The following ZC2HC1B variants were observed in gnomAD, a reference collection of about 807,000 sequenced individuals.
ZC2HC1B encodes the protein zinc finger C2HC-type containing 1B.
ZC2HC1B carries 36 observed loss-of-function variants against 31.0 expected under a neutral mutation model. That is an observed-to-expected ratio of 1.16 (90% CI 0.89 to 1.54). The LOEUF (loss-of-function observed/expected upper bound fraction) is 1.54. Ranked by LOEUF, ZC2HC1B falls within the 40% of genes most tolerant of loss-of-function variation. The pLI, the probability that ZC2HC1B is intolerant of heterozygous loss-of-function variation, is 0.00. For missense variants in ZC2HC1B, 260 were observed against 268.6 expected (o/e 0.97, Z 0.22); for synonymous variants, 73 against 88.0 (o/e 0.83, Z 0.95).
rs2128497110 is a variant in ZC2HC1B, at chr6:143,923,591, T to C, written c.599-14058T>C. Among the ~76,000 whole-genome samples the C allele has an allele frequency of 6.6e-6, 1 of 152,280 alleles. No homozygotes were observed. The highest frequency in any genetic ancestry group is 1.5e-5 in the Non-Finnish European group (1 of 67,998). ...TAGTTTCATAGTTTTGGGTCTTATG[T>C]TTAAGTCTTTCATCAATTTTGGGTT... On this transcript the variant is annotated intron_variant, in intron 6 of 7. Transcript: ENST00000237275. This position sits in a 1 kb window ranked among gnomAD's most constrained non-coding sequence, Gnocchi z 4.8.
At chr6:143,904,239 T>C (rs933684764) in intron 6 of ZC2HC1B, among the ~76,000 whole-genome samples, 1 of 152,252 alleles carries the variant, frequency 6.6e-6, no homozygotes, top group African/African-American at 2.4e-5. Flanking sequence ...TTGTTTTTGT[T>C]GTTGACTTTT....
chr6:143,886,293 A>G lies in ZC2HC1B; in HGVS notation c.210+142A>G, dbSNP rs745508692. The stretch of plus-strand genomic sequence containing the variant: ...ATCCACCTTTACTTTTTTCTTTATA[A>G]TCTTGCTCACTTAGATTTCCAGATA... On this transcript the variant is annotated intron_variant, in intron 3 of 7. Coordinates refer to ENST00000237275, the MANE Select transcript of ZC2HC1B (RefSeq NM_001013623.3). The surrounding 1 kb of genome is among the most constrained non-coding windows in gnomAD (Gnocchi z 4.2). The G allele has an allele frequency of 2.6e-5, 26 of 1,016,614 alleles. No individual in the cohort carries two copies. In the South Asian group the frequency reaches 8.8e-4, roughly 34 times the overall value. The allele number at this position is 1,016,614 out of a possible 1,614,324, so 63.0% of individuals were successfully genotyped here.
In ZC2HC1B at chr6:143,921,542, A is replaced by G. The variant is rs1044756890; in HGVS notation, c.599-16107A>G. Among the ~76,000 whole-genome samples the G allele has an allele frequency of 6.6e-6, 1 of 152,240 alleles. No individual in the cohort carries two copies. Among genetic ancestry groups the G allele is most frequent in the East Asian group, 1.9e-4 (1 of 5,192 alleles). ...ATTATTATCATAGAATAGAATTATC[A>G]TGTTAATTAGCTTTAAGAGATAGCT... On this transcript the variant is annotated intron_variant, in intron 6 of 7. Coordinates refer to ENST00000237275, the MANE Select transcript of ZC2HC1B (RefSeq NM_001013623.3). The surrounding 1 kb of genome is among the most constrained non-coding windows in gnomAD (Gnocchi z 6.1).
At chr6:143,897,553 C>T (rs775566995) in intron 4 of ZC2HC1B, among the ~76,000 whole-genome samples, 1 of 151,794 alleles carries the variant, frequency 6.6e-6, no homozygotes, top group Non-Finnish European at 1.5e-5. Context: ...GCTGCCTGGG[C>T]CATTGCATCT....
intron 4 of ZC2HC1B, among the ~76,000 whole-genome samples, chr6:143,890,714 A>T (rs1352583910): frequency 6.6e-6 from 1 of 152,264 alleles, no homozygotes; most frequent in South Asian, 2.1e-4. Flanking sequence ...ATGAGTAAAT[A>T]TAGAAAATTC....
intron 4 of ZC2HC1B, among the ~76,000 whole-genome samples, chr6:143,889,896 G>A (rs1777576876): frequency 6.6e-6 from 1 of 152,114 alleles, no homozygotes; most frequent in Non-Finnish European, 1.5e-5. Context: ...AGTCACCTAA[G>A]AGAGACCATT....
chr6:143,917,543 ATG>A lies in ZC2HC1B; in HGVS notation c.598+14393_598+14394del. ...ACATACAATAACTGCTCCTTCAGCA[ATG>A]TCTTTTCCACCCATTTTGTTATTGA... On this transcript the variant is annotated intron_variant, in intron 6 of 7. Coordinates refer to ENST00000237275, the MANE Select transcript of ZC2HC1B (RefSeq NM_001013623.3). This position sits in a 1 kb window ranked among gnomAD's most constrained non-coding sequence, Gnocchi z 4.1. Among the ~76,000 whole-genome samples the A allele has an allele frequency of 6.6e-6, 1 of 152,308 alleles. No individual in the cohort carries two copies. Among genetic ancestry groups the A allele is most frequent in the South Asian group, 2.1e-4 (1 of 4,828 alleles).
At chr6:143,890,753 T>C (rs1777591045) in intron 4 of ZC2HC1B, among the ~76,000 whole-genome samples, 1 of 152,192 alleles carries the variant, frequency 6.6e-6, no homozygotes. Context: ...CTACTGGAAT[T>C]AAAGTGAATT....
chr6:143,929,063 C>T (rs993444237), intron 6 of ZC2HC1B, among the ~76,000 whole-genome samples: 3 of 152,006 alleles, frequency 2.0e-5, no homozygotes, highest in Non-Finnish European at 2.9e-5. Context: ...CCTCTTTTCC[C>T]ATTTTGATGG....
chr6:143,920,562 T>G (rs1045385229), intron 6 of ZC2HC1B, among the ~76,000 whole-genome samples: 1 of 152,070 alleles, frequency 6.6e-6, no homozygotes, highest in African/African-American at 2.4e-5. Context: ...TCTTGACTAG[T>G]TAGTGAGGAT....
chr6:143,921,613 C>T lies in ZC2HC1B; in HGVS notation c.599-16036C>T, dbSNP rs750855913. On this transcript the variant is annotated intron_variant, in intron 6 of 7. Transcript: ENST00000237275. This position sits in a 1 kb window ranked among gnomAD's most constrained non-coding sequence, Gnocchi z 6.1. ...GATGCTTTTTAAATTTAATTTCTTACTCTCTACTTGCTTAAGTAAAAAAAT... is the reference window on the plus strand; with the variant it reads ...GATGCTTTTTAAATTTAATTTCTTATTCTCTACTTGCTTAAGTAAAAAAAT... Among the ~76,000 whole-genome samples the T allele has an allele frequency of 6.6e-6, 1 of 152,182 alleles. No homozygotes were observed. Among genetic ancestry groups the T allele is most frequent in the Non-Finnish European group, 1.5e-5 (1 of 68,010 alleles).
At position 143,903,427 on chromosome 6, in the gene ZC2HC1B, T is replaced by C. The variant is rs1562343298; in HGVS notation, c.598+275T>C. Among the ~76,000 whole-genome samples, 1 of 152,158 alleles carries C rather than the reference T, an allele frequency of 6.6e-6. No homozygotes were observed. The highest frequency in any genetic ancestry group is 6.5e-5 in the Admixed American group (1 of 15,274). On this transcript the variant is annotated intron_variant, in intron 6 of 7. Coordinates refer to ENST00000237275, the MANE Select transcript of ZC2HC1B (RefSeq NM_001013623.3). The surrounding 1 kb of genome is among the most constrained non-coding windows in gnomAD (Gnocchi z 4.3). The stretch of plus-strand genomic sequence containing the variant: ...CTCCGGTCTAGTAAAATTGAAGAGA[T>C]TGAAAATAGGAGAAGACCACGTGTC...
intron 6 of ZC2HC1B, among the ~76,000 whole-genome samples, chr6:143,920,856 C>T (rs1012302884): frequency 3.4e-5 from 5 of 146,904 alleles, no homozygotes; most frequent in Non-Finnish European, 6.0e-5. Flanking sequence ...TACAGTGAGC[C>T]AAGATCGCCA....
intron 6 of ZC2HC1B, among the ~76,000 whole-genome samples, chr6:143,909,139 G>A (rs113308957): frequency 1.4e-4 from 21 of 152,264 alleles, no homozygotes; most frequent in African/African-American, 4.6e-4. Flanking sequence ...TAGTGGATAA[G>A]CTTTTTGATG....
In ZC2HC1B at chr6:143,924,112, TAACA is replaced by T; in HGVS notation, c.599-13536_599-13533del. 6.6e-6 allele frequency among the ~76,000 whole-genome samples: 1 copy of T among 152,080 alleles called. No homozygotes were observed. Among genetic ancestry groups the T allele is most frequent in the Non-Finnish European group, 1.5e-5 (1 of 67,942 alleles). ...ATCTTTCCATTTGTTTGTGTCCTCTTAACATTCTTTCATCAGTGTTTTGAAGTTT... is the reference window on the plus strand; with the variant it reads ...ATCTTTCCATTTGTTTGTGTCCTCTTTTCTTTCATCAGTGTTTTGAAGTTT... On this transcript the variant is annotated intron_variant, in intron 6 of 7. Transcript: ENST00000237275. The surrounding 1 kb of genome is among the most constrained non-coding windows in gnomAD (Gnocchi z 5.2).
rs71024878 is a variant in ZC2HC1B, at chr6:143,919,217, CTGTGTGTGTG to C, written c.598+16105_598+16114del. On this transcript the variant is annotated intron_variant, in intron 6 of 7. Transcript: ENST00000237275. ...TCCCTTCTGCAGGGTTTGCTATTCT[CTGTGTGTGTG>C]TGTGTGTGTGTGTGTGTGTGTGTGT... 9.8e-3 allele frequency among the ~76,000 whole-genome samples: 1,207 copies of C among 123,678 alleles called. 17 individuals carry two copies. Among genetic ancestry groups the C allele is most frequent in the African/African-American group, 0.03 (1,041 of 34,216 alleles). The allele number at this position is 123,678 out of a possible 152,430, so 81.1% of individuals were successfully genotyped here.
Position 143,885,517 on chromosome 6 carries a change from C to A in ZC2HC1B, c.91-515C>A, listed in dbSNP as rs117415294. 0.028 allele frequency among the ~76,000 whole-genome samples: 4,222 copies of A among 152,250 alleles called. 111 individuals carry two copies. Among genetic ancestry groups the A allele is most frequent in the Admixed American group, 0.075 (1,147 of 15,298 alleles). ...TTTAGCTTAAAATGGATGGCTTGTTCTTAGCCAGTGCAGTGATTTTTATAG... is the reference window on the plus strand; with the variant it reads ...TTTAGCTTAAAATGGATGGCTTGTTATTAGCCAGTGCAGTGATTTTTATAG... On this transcript the variant is annotated intron_variant, in intron 2 of 7. Transcript: ENST00000237275. The surrounding 1 kb of genome is among the most constrained non-coding windows in gnomAD (Gnocchi z 4.2).
intron 6 of ZC2HC1B, among the ~76,000 whole-genome samples, chr6:143,929,633 T>G (rs1778094179): frequency 6.6e-6 from 1 of 152,230 alleles, no homozygotes; most frequent in Non-Finnish European, 1.5e-5. Flanking sequence ...TTGGGACAGT[T>G]TCAGTTGGAT....
chr6:143,932,784 A>G (rs942480645), intron 6 of ZC2HC1B, among the ~76,000 whole-genome samples: 5 of 152,116 alleles, frequency 3.3e-5, no homozygotes, highest in African/African-American at 1.2e-4. Flanking sequence ...TCATTTGGAT[A>G]CACTATTTCA....
Sources: allele counts gnomAD v4.1 joint callset (sites outside exome capture counted in the v4.1 genomes callset), GRCh38; gene constraint gnomAD v4.1.1; non-coding constraint Gnocchi (gnomAD v3.1); transcripts MANE v1.5; gene names NCBI Gene and HGNC (gene_info 2026-07-23, HGNC 2026-07-21).